SNAP47: variants seen among roughly 807,000 people sequenced by gnomAD.
The protein encoded by SNAP47 is synaptosomal-associated protein 47.
SNAP47 carries 20 observed loss-of-function variants against 31.4 expected under a neutral mutation model. The observed-to-expected ratio is 0.64, with a 90% CI of 0.45 to 0.93. The LOEUF is 0.93. SNAP47 is among the 40% of genes least tolerant of loss of function. The pLI is 0.00. For missense variants in SNAP47, 492 were observed against 528.5 expected, an observed-to-expected ratio of 0.93 and a Z score of 0.68; for synonymous variants, 194 against 213.4, an observed-to-expected ratio of 0.91 and a Z score of 0.79.
upstream of SNAP47, chr1:227,735,269 T>A (rs1399905802): frequency 1.4e-5 from 22 of 1,605,782 alleles, no homozygotes; most frequent in Non-Finnish European, 1.9e-5. Context: ...CGTCTCGCGG[T>A]CCATCCAGCT....
intron 4 of SNAP47, among the ~76,000 whole-genome samples, chr1:227,772,719 T>C (rs2102991439): frequency 6.6e-6 from 1 of 152,280 alleles, no homozygotes; most frequent in South Asian, 2.1e-4. Flanking sequence ...GTGAGCCCAT[T>C]CTGAGTTAAT....
chr1:227,761,190 C>CT (rs1313720573), intron 3 of SNAP47, among the ~76,000 whole-genome samples: 1 of 152,172 alleles, frequency 6.6e-6, no homozygotes, highest in Non-Finnish European at 1.5e-5. Flanking sequence ...TTCGGTTTCT[C>CT]TAATTTTTCT....
intron 1 of SNAP47, among the ~76,000 whole-genome samples, chr1:227,742,258 G>A (rs549767656): frequency 7.2e-5 from 11 of 152,052 alleles, no homozygotes; most frequent in South Asian, 2.1e-4. Context: ...TCAATTAGAC[G>A]GAATTTCACT....
chr1:227,780,432 G>A (rs1664397067), intron 4 of SNAP47, 95 bp from the exon 5 acceptor site: 18 of 1,543,380 alleles, frequency 1.2e-5, no homozygotes, highest in East Asian at 9.1e-5. Flanking sequence ...AGGTGGTAAC[G>A]CAAAGGCTCT....
At chr1:227,738,174 G>A (rs572497822) in intron 1 of SNAP47, among the ~76,000 whole-genome samples, 1 of 152,072 alleles carries the variant, frequency 6.6e-6, no homozygotes, top group South Asian at 2.1e-4. Flanking sequence ...CCTGAGTAGC[G>A]AAGATTACAG....
Position 227,748,123 on chromosome 1 carries a change from C to A in SNAP47, c.387C>A (p.Ser129=). ...GEELTGLMAG[S]QKRLEDTARV... is the part of the protein sequence containing the mutation. ...AGCTGACGGGACTCATGGCTGGATC[C>A]CAGAAACGCCTGGAGGACACGGCGA... The change falls in exon 2 of 5, where the codon TCC becomes TCA. Residue 129 remains serine, a synonymous_variant. Coordinates refer to ENST00000617596, the MANE Select transcript of SNAP47 (RefSeq NM_053052.4). The A allele has an allele frequency of 1.2e-6, 2 of 1,613,992 alleles. No individual in the cohort carries two copies. Among genetic ancestry groups the A allele is most frequent in the Non-Finnish European group, 1.7e-6 (2 of 1,180,022 alleles).
At chr1:227,769,462 G>T (rs1313377766) in intron 4 of SNAP47, among the ~76,000 whole-genome samples, 1 of 152,012 alleles carries the variant, frequency 6.6e-6, no homozygotes, top group East Asian at 2.0e-4. Context: ...CACAGTTGAA[G>T]CTCAAGCAGA....
intron 2 of SNAP47, among the ~76,000 whole-genome samples, chr1:227,756,796 G>A (rs945924388): frequency 2.6e-5 from 4 of 152,266 alleles, no homozygotes; most frequent in African/African-American, 7.2e-5. Flanking sequence ...CTTAGGCCAA[G>A]TTACCGTGCA....
intron 4 of SNAP47, chr1:227,777,061 CA>C: frequency 2.0e-6 from 2 of 984,226 alleles, no homozygotes; most frequent in Non-Finnish European, 2.4e-6. Flanking sequence ...TTGCTATTCC[CA>C]CTGCTTTCTT....
In SNAP47 at chr1:227,751,542, G is replaced by C. The variant is rs114675502; in HGVS notation, c.497+3309G>C. Among the ~76,000 whole-genome samples the C allele has an allele frequency of 4.1e-3, 618 of 152,282 alleles. 7 individuals carry two copies. Among genetic ancestry groups the C allele is most frequent in the African/African-American group, 0.014 (587 of 41,562 alleles). ...CAGGACTGCAGGTCGCAGTGTCGGA[G>C]ACCACCTGGCCTTTGCCCACGCCGG... On this transcript the variant is annotated intron_variant, in intron 2 of 4. Transcript: ENST00000617596.
rs1221105504 is a variant in SNAP47 at position 227,763,950 on chromosome 1, G to C, written c.989-3009G>C. On this transcript the variant is annotated intron_variant, in intron 3 of 4. Coordinates refer to ENST00000617596, the MANE Select transcript of SNAP47 (RefSeq NM_053052.4). This position sits in a 1 kb window ranked among gnomAD's most constrained non-coding sequence, Gnocchi z 4.2. Reference sequence around the variant, plus strand: ...GCTGTGTCTTGCACAGGGGCCTGTGGCCTCAGGGCACTCTCTTTCCAGATG... The same window carrying C: ...GCTGTGTCTTGCACAGGGGCCTGTGCCCTCAGGGCACTCTCTTTCCAGATG... Among the ~76,000 whole-genome samples the C allele has an allele frequency of 6.6e-6, 1 of 152,170 alleles. No individual in the cohort carries two copies. Among genetic ancestry groups the C allele is most frequent in the Non-Finnish European group, 1.5e-5 (1 of 68,022 alleles).
Position 227,749,624 on chromosome 1 carries a change from G to A in SNAP47, c.497+1391G>A, listed in dbSNP as rs184186829. Among the ~76,000 whole-genome samples the A allele has an allele frequency of 3.2e-3, 480 of 152,282 alleles. 4 individuals carry two copies. The highest frequency in any genetic ancestry group is 3.8e-3 in the Non-Finnish European group (260 of 68,030). On this transcript the variant is annotated intron_variant, in intron 2 of 4. Coordinates refer to ENST00000617596, the MANE Select transcript of SNAP47 (RefSeq NM_053052.4). ...TTTGCCAGTCTGCCCGCTTTTCAGT[G>A]TCAGGCTGCCACTATATTTGTCTGT...
upstream of SNAP47, chr1:227,735,329 G>T (rs1490817813): frequency 6.2e-7 from 1 of 1,600,228 alleles, no homozygotes; most frequent in Admixed American, 1.7e-5. Flanking sequence ...AGCGGAAACG[G>T]TGAGGACCAG....
chr1:227,776,669 C>A, intron 4 of SNAP47: 1 of 985,506 alleles, frequency 1.0e-6, no homozygotes, highest in South Asian at 4.7e-5. Flanking sequence ...TTACTTCAGT[C>A]CCTTCTCAAA....
At chr1:227,759,512 C>G (rs376126623) in intron 3 of SNAP47, 27 bp downstream of exon 3, 4 of 1,601,232 alleles carry the variant, frequency 2.5e-6, no homozygotes, top group African/African-American at 2.7e-5. Context: ...GCAGTGAGCG[C>G]GTGCACAGAC....
intron 2 of SNAP47, among the ~76,000 whole-genome samples, chr1:227,758,696 G>C (rs1210693722): frequency 1.3e-5 from 2 of 152,204 alleles, no homozygotes; most frequent in Non-Finnish European, 2.9e-5. Context: ...AGATGACCCA[G>C]ATCAAGGCAG....
intron 1 of SNAP47, chr1:227,728,818 G>T (rs1031284784): frequency 1.3e-5 from 2 of 152,264 alleles, no homozygotes; most frequent in African/African-American, 4.8e-5. Flanking sequence ...CCCGACAGGA[G>T]AGGCGAGGGG....
At chr1:227,743,600 G>T (rs1443839505) in intron 1 of SNAP47, among the ~76,000 whole-genome samples, 1 of 152,196 alleles carries the variant, frequency 6.6e-6, no homozygotes, top group African/African-American at 2.4e-5. Flanking sequence ...AAGGTTCTCT[G>T]ACACCTGCTC....
At chr1:227,775,194 A>G (rs999601091) in intron 4 of SNAP47, among the ~76,000 whole-genome samples, 1 of 151,644 alleles carries the variant, frequency 6.6e-6, no homozygotes, top group African/African-American at 2.4e-5. Context: ...ATCGCAGCAG[A>G]GAGTGTTCTT....
Sources: gnomAD v4.1 joint callset for allele counts (sites outside exome capture counted in the v4.1 genomes callset) on GRCh38, gnomAD v4.1.1 for gene constraint, Gnocchi (gnomAD v3.1) non-coding constraint, MANE v1.5 for transcripts, NCBI Gene and HGNC (gene_info 2026-07-23, HGNC 2026-07-21) for gene names.